Variants in DENND1A observed in about 807,000 individuals in gnomAD.
DENND1A encodes DENN domain-containing protein 1A.
A neutral mutation model predicts 113.7 loss-of-function variants in DENND1A; 51 were observed. That is an observed-to-expected ratio of 0.45 (90% CI 0.36 to 0.57). DENND1A has a LOEUF of 0.57. DENND1A is among the 20% of genes least tolerant of loss of function. DENND1A has a pLI of 0.00. For missense variants in DENND1A, 1,258 were observed against 1,395.9 expected (o/e 0.90, Z 1.57); for synonymous variants, 565 against 570.8 (o/e 0.99, Z 0.14).
At chr9:123,505,536 A>G (rs2052853147) in intron 13 of DENND1A, among the ~76,000 whole-genome samples, 1 of 152,222 alleles carries the variant, frequency 6.6e-6, no homozygotes, top group African/African-American at 2.4e-5. Context: ...AAAATGAAAT[A>G]AAATTATTTC....
chr9:123,403,338 C>T (rs1244181557), intron 21 of DENND1A, 64 bp downstream of exon 21: 18 of 1,566,734 alleles, frequency 1.1e-5, no homozygotes, highest in Admixed American at 7.0e-5. Flanking sequence ...GCTTGGGCTT[C>T]GCAAAGTGCT....
chr9:123,818,692 T>G (rs1402204388), intron 2 of DENND1A, among the ~76,000 whole-genome samples: 2 of 150,920 alleles, frequency 1.3e-5, no homozygotes, highest in East Asian at 3.9e-4. Flanking sequence ...TTTAATAATT[T>G]TGCACATGAA....
At chr9:123,672,503 A>G (rs2063814156) in intron 6 of DENND1A, among the ~76,000 whole-genome samples, 1 of 152,252 alleles carries the variant, frequency 6.6e-6, no homozygotes, top group African/African-American at 2.4e-5. Flanking sequence ...ACATTCTCCT[A>G]AATCACCACA....
At chr9:123,604,764 A>G (rs1046779141) in intron 11 of DENND1A, among the ~76,000 whole-genome samples, 2 of 152,188 alleles carry the variant, frequency 1.3e-5, no homozygotes, top group African/African-American at 4.8e-5. Flanking sequence ...GCACAAACCA[A>G]TTGTGTTGAA....
Position 123,457,401 on chromosome 9 carries a change from C to T in DENND1A, c.1133G>A (p.Gly378Asp). The change falls in exon 15 of 24, where the codon GGC (glycine) becomes GAC (aspartate). Residue 378 changes from glycine to aspartate, a missense_variant. Transcript: ENST00000394215. Reference protein sequence around the residue: ...IDGRLDLLNSGEGFSDVFEEE... With the variant: ...IDGRLDLLNSDEGFSDVFEEE... ...TTCAAAAACATCACTGAAACCTTCGCCGGAATTGAGAAGATCTAATCGACC... is the reference window on the plus strand; with the variant it reads ...TTCAAAAACATCACTGAAACCTTCGTCGGAATTGAGAAGATCTAATCGACC... The T allele has an allele frequency of 6.2e-7, 1 of 1,614,050 alleles. No individual in the cohort carries two copies. The highest frequency in any genetic ancestry group is 8.5e-7 in the Non-Finnish European group (1 of 1,179,980).
At chr9:123,613,084 A>G (rs1021161203) in intron 10 of DENND1A, among the ~76,000 whole-genome samples, 1 of 147,930 alleles carries the variant, frequency 6.8e-6, no homozygotes, top group Non-Finnish European at 1.5e-5. Flanking sequence ...TGACAGGCAC[A>G]CACCATCTCT....
intron 1 of DENND1A, among the ~76,000 whole-genome samples, chr9:123,919,882 A>AG (rs1855909537): frequency 7.4e-6 from 1 of 134,700 alleles, no homozygotes. Flanking sequence ...ACTCTGTCTC[A>AG]GAAAAAAAAA....
chr9:123,490,448 G>A (rs1206281080), intron 13 of DENND1A, among the ~76,000 whole-genome samples: 2 of 152,058 alleles, frequency 1.3e-5, no homozygotes, highest in East Asian at 1.9e-4. Flanking sequence ...AATTAGCCAG[G>A]CGTGGTGGGG....
At position 123,722,524 on chromosome 9, in the gene DENND1A, G is replaced by A. The variant is rs541452554; in HGVS notation, c.302+35179C>T. 9.2e-5 allele frequency among the ~76,000 whole-genome samples: 14 copies of A among 152,246 alleles called. No individual in the cohort carries two copies. The South Asian group carries it at 2.9e-3, about 32-fold the overall frequency. On this transcript the variant is annotated intron_variant, in intron 5 of 23. Transcript: ENST00000394215. ...CTTCCATCACAGGCCCGGAGGTTTA[G>A]GAGGAAAAAATGGTTTCATGGGCTG...
chr9:123,390,368 G>A (rs554847721), intron 21 of DENND1A, among the ~76,000 whole-genome samples: 1 of 152,314 alleles, frequency 6.6e-6, no homozygotes, highest in Admixed American at 6.5e-5. Flanking sequence ...TCCCCCTCTG[G>A]GCTCCCATCT....
chr9:123,471,155 G>T (rs969883739), intron 13 of DENND1A, among the ~76,000 whole-genome samples: 25 of 152,214 alleles, frequency 1.6e-4, no homozygotes, highest in Non-Finnish European at 3.2e-4. Context: ...ACCTCTCATA[G>T]AGAAATGTGT....
chr9:123,491,680 C>T (rs1475555053), intron 13 of DENND1A, among the ~76,000 whole-genome samples: 3 of 152,244 alleles, frequency 2.0e-5, no homozygotes, highest in East Asian at 1.9e-4. Flanking sequence ...GTTGTTCTCA[C>T]GGACTTCAAG....
At chr9:123,922,897 CTTTA>C (rs1191775091) in intron 1 of DENND1A, among the ~76,000 whole-genome samples, 1 of 152,206 alleles carries the variant, frequency 6.6e-6, no homozygotes, top group Non-Finnish European at 1.5e-5. Context: ...TCTTTTCTTA[CTTTA>C]TTTGGCTCCT....
chr9:123,901,814 C>T (rs990600811), intron 1 of DENND1A, among the ~76,000 whole-genome samples: 3 of 152,020 alleles, frequency 2.0e-5, no homozygotes, highest in Non-Finnish European at 4.4e-5. Context: ...ACCATCCTGG[C>T]TAACACAGTG....
intron 3 of DENND1A, among the ~76,000 whole-genome samples, chr9:123,786,580 C>G (rs1288143629): frequency 1.3e-5 from 2 of 152,188 alleles, no homozygotes; most frequent in Non-Finnish European, 2.9e-5. Flanking sequence ...AGATAGTACA[C>G]TCAGCAATCT....
chr9:123,749,081 CT>C (rs1157695895), intron 5 of DENND1A, among the ~76,000 whole-genome samples: 1 of 152,184 alleles, frequency 6.6e-6, no homozygotes, highest in Admixed American at 6.5e-5. Context: ...TCCAGCTGGC[CT>C]TGGGCTCATT....
intron 13 of DENND1A, among the ~76,000 whole-genome samples, chr9:123,503,552 T>C (rs144312862): frequency 5.3e-5 from 8 of 152,316 alleles, no homozygotes; most frequent in African/African-American, 1.7e-4. Context: ...CTTGAGCTCA[T>C]CGGACTCACG....
chr9:123,559,216 G>T (rs1026336809), intron 12 of DENND1A, among the ~76,000 whole-genome samples: 1 of 152,170 alleles, frequency 6.6e-6, no homozygotes, highest in Non-Finnish European at 1.5e-5. Flanking sequence ...GGGGAATATG[G>T]CTTGAAATGA....
intron 3 of DENND1A, among the ~76,000 whole-genome samples, chr9:123,771,565 T>C (rs180904755): frequency 6.6e-6 from 1 of 152,328 alleles, no homozygotes; most frequent in East Asian, 1.9e-4. Context: ...CTCTACTCTA[T>C]GCTGGAGTTG....
Sources: allele counts gnomAD v4.1 joint callset (sites outside exome capture counted in the v4.1 genomes callset), GRCh38; gene constraint gnomAD v4.1.1; transcripts MANE v1.5; gene names NCBI Gene and HGNC (gene_info 2026-07-23, HGNC 2026-07-21).